RTN3: variants seen among roughly 807,000 people sequenced by gnomAD.
RTN3 encodes the protein reticulon 3, also known as reticulon-3.
RTN3 carries 49 observed loss-of-function variants against 77.8 expected under a neutral mutation model. The ratio of observed to expected loss-of-function variants is 0.63; its 90% confidence interval spans 0.50 to 0.80. The LOEUF is 0.80. RTN3 is among the 30% of genes least tolerant of loss of function. The pLI is 0.00. For synonymous variants in RTN3, 464 were observed against 446.9 expected (o/e 1.04, Z -0.48); for missense variants, 1,236 against 1,211.9 (o/e 1.02, Z -0.29).
chr11:63,690,395 G>A (rs1396283870), intron 1 of RTN3, among the ~76,000 whole-genome samples: 1 of 152,172 alleles, frequency 6.6e-6, no homozygotes, highest in Non-Finnish European at 1.5e-5. Context: ...ATACATGAAG[G>A]CTCTTTGCCA....
chr11:63,714,038 C>A (rs113783446), intron 2 of RTN3: 25 of 518,486 alleles, frequency 4.8e-5, no homozygotes, highest in African/African-American at 4.6e-4. Context: ...CTTTGCTTAT[C>A]GGAGCTGTTC....
chr11:63,731,321 C>T (rs767718890), intron 3 of RTN3, among the ~76,000 whole-genome samples: 3 of 152,170 alleles, frequency 2.0e-5, no homozygotes, highest in Non-Finnish European at 4.4e-5. Context: ...CTCAAGTGAT[C>T]TGCCCACCTT....
intron 1 of RTN3, among the ~76,000 whole-genome samples, chr11:63,700,255 T>G (rs894370863): frequency 8.9e-5 from 13 of 146,422 alleles, no homozygotes; most frequent in African/African-American, 2.5e-4. Flanking sequence ...TCTGGAAACA[T>G]AGAGATAGGA....
chr11:63,732,989 C>T (rs1195096006), intron 3 of RTN3, among the ~76,000 whole-genome samples: 3 of 152,120 alleles, frequency 2.0e-5, no homozygotes, highest in Non-Finnish European at 4.4e-5. Context: ...GGGTTTGTTA[C>T]AGGATATACA....
At chr11:63,752,278 G>A (rs1319471144) in intron 4 of RTN3, among the ~76,000 whole-genome samples, 1 of 151,890 alleles carries the variant, frequency 6.6e-6, no homozygotes, top group Non-Finnish European at 1.5e-5. Context: ...ACAGAACATA[G>A]GTCAGTTCTT....
Position 63,719,869 on chromosome 11 carries a change from A to G in RTN3, c.1367A>G (p.Glu456Gly). ...GCAGAATTACCTGGATCTCCACCTG[A>G]GAAATGTGACTCTTTGGGTTCTGGA... ...TLAELPGSPP[E>G]KCDSLGSGVA... The change falls in exon 3 of 9, where the codon GAG becomes GGG. Residue 456 changes from glutamate to glycine, a missense_variant. Transcript: ENST00000377819. The G allele has an allele frequency of 6.2e-7, 1 of 1,614,220 alleles. No individual in the cohort carries two copies. Among genetic ancestry groups the G allele is most frequent in the Middle Eastern group, 1.6e-4 (1 of 6,062 alleles).
chr11:63,741,883 G>A (rs569750025), intron 3 of RTN3, among the ~76,000 whole-genome samples: 19 of 151,848 alleles, frequency 1.3e-4, no homozygotes, highest in African/African-American at 4.1e-4. Flanking sequence ...ATTATCTTTC[G>A]ACCAGTACTA....
intron 2 of RTN3, among the ~76,000 whole-genome samples, chr11:63,706,064 TA>T (rs1395198630): frequency 6.6e-6 from 1 of 152,234 alleles, no homozygotes; most frequent in Non-Finnish European, 1.5e-5. Context: ...TGGAGTTCTC[TA>T]GCTGCAAAAG....
chr11:63,686,027 C>A (rs2134611923), intron 1 of RTN3, among the ~76,000 whole-genome samples: 1 of 152,116 alleles, frequency 6.6e-6, no homozygotes, highest in African/African-American at 2.4e-5. Context: ...ATATCAGAGG[C>A]AAAAATTTGA....
intron 3 of RTN3, among the ~76,000 whole-genome samples, chr11:63,727,733 G>A (rs943713687): frequency 2.0e-5 from 3 of 152,154 alleles, no homozygotes; most frequent in Admixed American, 6.6e-5. Context: ...TCAGCACTTA[G>A]GGAGGCCGAG....
At chr11:63,705,675 C>G (rs903052105) in intron 2 of RTN3, among the ~76,000 whole-genome samples, 3 of 152,228 alleles carry the variant, frequency 2.0e-5, no homozygotes, top group African/African-American at 4.8e-5. Flanking sequence ...TTATCTGAGA[C>G]ACGTCATAAA....
chr11:63,715,981 A>C (rs1354392637), intron 2 of RTN3, among the ~76,000 whole-genome samples: 1 of 152,230 alleles, frequency 6.6e-6, no homozygotes, highest in African/African-American at 2.4e-5. Flanking sequence ...CATACTGTAT[A>C]ATGGTAGATG....
At chr11:63,701,717 G>A (rs1942246582) in intron 1 of RTN3, among the ~76,000 whole-genome samples, 1 of 152,090 alleles carries the variant, frequency 6.6e-6, no homozygotes, top group Admixed American at 6.6e-5. Flanking sequence ...GAGGCTGAGT[G>A]GGAGGACTGC....
chr11:63,688,240 T>G (rs75968035), intron 1 of RTN3, among the ~76,000 whole-genome samples: 1 of 150,418 alleles, frequency 6.6e-6, no homozygotes, highest in African/African-American at 2.5e-5. Flanking sequence ...TTTTTTTTTT[T>G]TGAGACGGAG....
At position 63,712,483 on chromosome 11, in the gene RTN3, ATTTTTTT is replaced by A. The variant is rs34923509; in HGVS notation, c.200-6205_200-6199del. 4.4e-5 allele frequency among the ~76,000 whole-genome samples: 4 copies of A among 90,398 alleles called. No individual in the cohort carries two copies. The South Asian group carries it at 1.5e-3, about 35-fold the overall frequency. 59.3% of individuals were successfully genotyped at this position (90,398 alleles called of 152,430 possible). A position where few individuals can be genotyped will look rare whatever the true frequency, so the allele number is the denominator to read the frequency against. ...TAGTAATTGTGATTAAAGGACTTTG[ATTTTTTT>A]TTTTTTTTTTTTTGAGATGGAGTCT... On this transcript the variant is annotated intron_variant, in intron 2 of 8. Transcript: ENST00000377819.
chr11:63,745,551 G>A (rs1400127840), intron 3 of RTN3, among the ~76,000 whole-genome samples: 2 of 152,158 alleles, frequency 1.3e-5, no homozygotes, highest in Non-Finnish European at 2.9e-5. Context: ...GAGGCTTGAT[G>A]TGTTGAACCA....
At chr11:63,731,086 T>A (rs76405023) in intron 3 of RTN3, among the ~76,000 whole-genome samples, 1,801 of 152,024 alleles carry the variant, frequency 0.012, 15 homozygotes, top group Non-Finnish European at 0.02. Context: ...TTTTTTTTTT[T>A]ATTTATTTAT....
At chr11:63,686,343 C>T (rs778412312) in intron 1 of RTN3, among the ~76,000 whole-genome samples, 2 of 151,954 alleles carry the variant, frequency 1.3e-5, no homozygotes, top group African/African-American at 4.8e-5. Context: ...GGTGGCGGGG[C>T]GCCTGTAGTC....
chr11:63,730,829 G>A (rs771713494), intron 3 of RTN3, among the ~76,000 whole-genome samples: 23 of 151,908 alleles, frequency 1.5e-4, no homozygotes, highest in Admixed American at 1.1e-3. Context: ...CAAAAAGGCA[G>A]AATTAAGGAG....
Sources: gnomAD v4.1 joint callset for allele counts (sites outside exome capture counted in the v4.1 genomes callset) on GRCh38, gnomAD v4.1.1 for gene constraint, MANE v1.5 for transcripts, NCBI Gene and HGNC (gene_info 2026-07-23, HGNC 2026-07-21) for gene names.